The following TGFBI variants were observed in gnomAD, a reference collection of about 807,000 sequenced individuals.
TGFBI encodes transforming growth factor beta induced, also known as transforming growth factor-beta-induced protein ig-h3.
Under a neutral mutation model 73.7 loss-of-function variants are expected in TGFBI, and 50 were observed. That is an observed-to-expected ratio of 0.68 (90% CI 0.54 to 0.86). TGFBI has a LOEUF of 0.86. Among genes scored for constraint, TGFBI ranks in the 40% least tolerant of loss-of-function variants. The probability of loss-of-function intolerance (pLI) is 0.00; values close to 1 mark genes in which losing one functional copy is unlikely to be tolerated. For missense variants in TGFBI, 839 were observed against 877.0 expected, an observed-to-expected ratio of 0.96 and a Z score of 0.55; for synonymous variants, 362 against 360.5, an observed-to-expected ratio of 1.00 and a Z score of -0.05.
intron 10 of TGFBI, 114 bp from the exon 11 acceptor site, chr5:136,055,566 T>C (rs989273204): frequency 1.0e-6 from 1 of 959,636 alleles, no homozygotes. Flanking sequence ...CCCATCCCAG[T>C]GTATACTCCT....
chr5:136,050,885 G>A (rs1751521332), intron 7 of TGFBI, among the ~76,000 whole-genome samples: 1 of 152,154 alleles, frequency 6.6e-6, no homozygotes, highest in Non-Finnish European at 1.5e-5. Context: ...CGGCACTGGG[G>A]ACAGAGGCCA....
In TGFBI at chr5:136,060,881, C is replaced by T. The variant is rs545033194; in HGVS notation, c.1851C>T (p.Asp617=). The change falls in exon 14 of 17, where the codon GAC becomes GAT. Residue 617 remains aspartate (D), a synonymous_variant. Transcript: ENST00000442011. The part of the protein sequence containing the change: ...SVNKEPVAEP[D]IMATNGVVHV... Reference sequence around the variant, plus strand: ...ACAAGGAGCCTGTTGCCGAGCCTGACATCATGGCCACAAATGGCGTGGTCC... The same window carrying T: ...ACAAGGAGCCTGTTGCCGAGCCTGATATCATGGCCACAAATGGCGTGGTCC... 2.4e-5 allele frequency: 38 copies of T among 1,601,892 alleles called. No individual in the cohort carries two copies. The East Asian group carries it at 7.8e-4, about 33-fold the overall frequency.
chr5:136,063,186 C>G lies in TGFBI; in HGVS notation c.2012C>G (p.Ala671Gly), dbSNP rs775675020. Residue 671 changes from alanine to glycine, a missense_variant and splice_region_variant, in exon 17 of 17, where the codon GCC (alanine) becomes GGC (glycine). By Grantham distance (60) the Ala-to-Gly change is moderately conservative. Transcript: ENST00000442011. Reference sequence around the variant, plus strand: ...GACGTTACCAACTTCTCTTTTTCAGCCCCTGTCTATCAAAAGTTATTAGAG... The same window carrying G: ...GACGTTACCAACTTCTCTTTTTCAGGCCCTGTCTATCAAAAGTTATTAGAG... ...SRASQRSVRL[A>G]PVYQKLLERM... The G allele has an allele frequency of 1.2e-5, 19 of 1,613,542 alleles. No individual in the cohort carries two copies. Among genetic ancestry groups the G allele is most frequent in the Non-Finnish European group, 1.6e-5 (19 of 1,179,534 alleles).
At position 136,055,785 on chromosome 5, in the gene TGFBI, A is replaced by G. The variant is rs773750127; in HGVS notation, c.1516A>G (p.Met506Val). The change falls in exon 11 of 17, where the codon ATG becomes GTG. Residue 506 changes from methionine to valine, a missense_variant. By Grantham distance (21) the Met-to-Val change is conservative. Coordinates refer to ENST00000442011, the MANE Select transcript of TGFBI (RefSeq NM_000358.3). ...GCTGACCCCCCCAATGGGGACTGTC[A>G]TGGATGTCCTGAAGGGAGACAATCG... ...RVLTPPMGTVMDVLKGDNRFS... is the reference protein window; with the variant it reads ...RVLTPPMGTVVDVLKGDNRFS... 2 of 1,612,054 alleles carry G rather than the reference A, an allele frequency of 1.2e-6. No individual in the cohort carries two copies. The highest frequency in any genetic ancestry group is 1.7e-5 in the Admixed American group (1 of 59,948).
Position 136,063,141 on chromosome 5 carries a change from G to C in TGFBI, c.2012-45G>C. ...TTCTGACAGTGTCCTAGACAGACAT[G>C]GGGAGATCTGCACCTATTTGACGTT... On this transcript the variant is annotated intron_variant, in intron 16 of 16. Coordinates refer to ENST00000442011, the MANE Select transcript of TGFBI (RefSeq NM_000358.3). 3 of 1,577,050 alleles carry C rather than the reference G, an allele frequency of 1.9e-6. No individual in the cohort carries two copies. The South Asian group carries it at 3.3e-5, about 18-fold the overall frequency.
intron 3 of TGFBI, 52 bp downstream of exon 3, chr5:136,044,174 G>C: frequency 6.7e-7 from 1 of 1,490,510 alleles, no homozygotes; most frequent in Non-Finnish European, 9.3e-7. Context: ...AGGGAATGGT[G>C]GGAGAGAGGA....
At chr5:136,058,773 TCA>T (rs1168736500) in intron 12 of TGFBI, 1 of 228,744 alleles carries the variant, frequency 4.4e-6, no homozygotes, top group Non-Finnish European at 8.6e-6. Flanking sequence ...TGAGTCATAC[TCA>T]CAGAGGAGTA....
At chr5:136,052,563 C>T (rs375801597) in intron 7 of TGFBI, among the ~76,000 whole-genome samples, 13 of 152,302 alleles carry the variant, frequency 8.5e-5, no homozygotes, top group Non-Finnish European at 1.6e-4. Flanking sequence ...GTTGTCAGGC[C>T]CCGTGCCGAG....
intron 2 of TGFBI, among the ~76,000 whole-genome samples, chr5:136,035,439 T>C (rs187014404): frequency 8.5e-5 from 13 of 152,086 alleles, no homozygotes; most frequent in Admixed American, 1.3e-4. Context: ...CTGGCTAACA[T>C]GGTGAAACCC....
At chr5:136,038,069 T>G (rs1751262173) in intron 2 of TGFBI, among the ~76,000 whole-genome samples, 1 of 152,180 alleles carries the variant, frequency 6.6e-6, no homozygotes, top group African/African-American at 2.4e-5. Flanking sequence ...AATAATCTGC[T>G]CTGGGGGCAC....
intron 16 of TGFBI, 139 bp downstream of exon 16, chr5:136,062,826 G>C: frequency 2.1e-6 from 2 of 938,622 alleles, no homozygotes; most frequent in Non-Finnish European, 3.2e-6. Flanking sequence ...AGTCAGAACA[G>C]CAGGGTGACT....
intron 12 of TGFBI, chr5:136,058,827 A>G (rs1328936130): frequency 5.7e-6 from 2 of 352,096 alleles, no homozygotes; most frequent in Non-Finnish European, 1.0e-5. Context: ...CCAGCATCCC[A>G]GACAGCATAT....
intron 1 of TGFBI, 28 bp from the exon 2 acceptor site, chr5:136,033,735 T>C: frequency 1.2e-6 from 2 of 1,601,708 alleles, no homozygotes; most frequent in Non-Finnish European, 1.7e-6. Context: ...GCTGATCATC[T>C]TCCTAATTCT....
At chr5:136,051,117 G>A (rs909557295) in intron 7 of TGFBI, among the ~76,000 whole-genome samples, 5 of 152,158 alleles carry the variant, frequency 3.3e-5, no homozygotes, top group African/African-American at 1.2e-4. Context: ...TTTGCACAGA[G>A]CACATTCTTT....
At chr5:136,045,437 CA>C (rs1751411043) in intron 3 of TGFBI, among the ~76,000 whole-genome samples, 1 of 152,032 alleles carries the variant, frequency 6.6e-6, no homozygotes, top group Admixed American at 6.6e-5. Context: ...CCCAGCTACT[CA>C]GGAGGCTGAG....
At chr5:136,045,626 T>C (rs1230004066) in intron 3 of TGFBI, 1 of 152,054 alleles carries the variant, frequency 6.6e-6, no homozygotes, top group Admixed American at 6.6e-5. Flanking sequence ...GGTTCCAAGG[T>C]TCCTAGAGTA....
intron 12 of TGFBI, among the ~76,000 whole-genome samples, chr5:136,058,497 C>A (rs544712329): frequency 1.3e-5 from 2 of 152,164 alleles, no homozygotes; most frequent in African/African-American, 4.8e-5. Context: ...TGAGACGTGA[C>A]GAGGAGAGAT....
intron 15 of TGFBI, among the ~76,000 whole-genome samples, chr5:136,062,274 C>A (rs1259204943): frequency 1.3e-5 from 2 of 152,146 alleles, no homozygotes; most frequent in Non-Finnish European, 2.9e-5. Context: ...ACCCAGAGGC[C>A]TGGAGCTTAC....
In TGFBI at chr5:136,054,134, C is replaced by T. The variant is rs375770218; in HGVS notation, c.1264+54C>T. 3.5e-5 allele frequency: 55 copies of T among 1,590,242 alleles called. No individual in the cohort carries two copies. In the African/African-American group the frequency reaches 6.6e-4, roughly 19 times the overall value. On this transcript the variant is annotated intron_variant, in intron 9 of 16. Coordinates refer to ENST00000442011, the MANE Select transcript of TGFBI (RefSeq NM_000358.3). ...TTGTCCCTGGAGGCAGCTTCCCCAC[C>T]CCTGTCACCTCCACAACACTCTCCG...
Sources: allele counts gnomAD v4.1 joint callset (sites outside exome capture counted in the v4.1 genomes callset), GRCh38; gene constraint gnomAD v4.1.1; transcripts MANE v1.5; gene names NCBI Gene and HGNC (gene_info 2026-07-23, HGNC 2026-07-21).